Variants in DENND1A observed in about 807,000 individuals in gnomAD.
DENND1A encodes the protein DENN domain-containing protein 1A.
Under a neutral mutation model 113.7 loss-of-function variants are expected in DENND1A, and 51 were observed. The ratio of observed to expected loss-of-function variants is 0.45; its 90% CI spans 0.36 to 0.57. The LOEUF (loss-of-function observed/expected upper bound fraction) is 0.57, where lower values mean the gene tolerates loss of function less well. DENND1A is among the 20% of genes least tolerant of loss of function. The probability of loss-of-function intolerance (pLI) is 0.00; values close to 1 mark genes in which losing one functional copy is unlikely to be tolerated. For missense variants in DENND1A, 1,258 were observed against 1,395.9 expected (o/e 0.90, Z 1.57); for synonymous variants, 565 against 570.8 (o/e 0.99, Z 0.14).
intron 2 of DENND1A, among the ~76,000 whole-genome samples, chr9:123,837,892 CTG>C: frequency 6.6e-6 from 1 of 152,224 alleles, no homozygotes; most frequent in Non-Finnish European, 1.5e-5. Context: ...GGCAAAAAGA[CTG>C]TACTATTTCT....
intron 1 of DENND1A, among the ~76,000 whole-genome samples, chr9:123,893,545 C>G (rs971862949): frequency 6.6e-6 from 1 of 152,176 alleles, no homozygotes; most frequent in African/African-American, 2.4e-5. Flanking sequence ...CATCAGGCCT[C>G]AATCACTTAC....
At chr9:123,729,302 G>C (rs1365460076) in intron 5 of DENND1A, among the ~76,000 whole-genome samples, 2 of 152,172 alleles carry the variant, frequency 1.3e-5, no homozygotes, top group African/African-American at 4.8e-5. Context: ...CATTCAAATA[G>C]GAAGAGAGGA....
intron 2 of DENND1A, chr9:123,842,923 A>G (rs2132999305): frequency 3.7e-6 from 1 of 273,606 alleles, no homozygotes; most frequent in Middle Eastern, 1.4e-3. Flanking sequence ...CTAAGAATGC[A>G]AGGTTGGGTG....
chr9:123,424,490 G>A (rs948391454), intron 19 of DENND1A, among the ~76,000 whole-genome samples: 8 of 152,214 alleles, frequency 5.3e-5, no homozygotes, highest in Non-Finnish European at 4.4e-5. Context: ...GCCCTGGCCT[G>A]AGCAATGTCC....
chr9:123,769,478 C>CT (rs759669270), intron 4 of DENND1A, 36 bp downstream of exon 4: 44 of 1,566,868 alleles, frequency 2.8e-5, no homozygotes, highest in Non-Finnish European at 3.5e-5. Context: ...TTTATTGATA[C>CT]TTTTTTTCTA....
At chr9:123,620,727 C>T (rs192536401) in intron 10 of DENND1A, among the ~76,000 whole-genome samples, 1 of 152,162 alleles carries the variant, frequency 6.6e-6, no homozygotes, top group Non-Finnish European at 1.5e-5. Context: ...CCCACCACAG[C>T]CCAGCTTCCC....
chr9:123,485,764 ACCTTTGAGGAGCAT>A (rs1355743391), intron 13 of DENND1A: 1 of 152,164 alleles, frequency 6.6e-6, no homozygotes, highest in Non-Finnish European at 1.5e-5. Context: ...GTTTGCACTC[ACCTTTGAGGAGCAT>A]GTGCTGGTTT....
At chr9:123,782,624 T>C (rs77541020) in intron 3 of DENND1A, among the ~76,000 whole-genome samples, 43 of 152,316 alleles carry the variant, frequency 2.8e-4, no homozygotes, top group African/African-American at 1.0e-3. Context: ...TGGTTTAGGT[T>C]TTCTGATAGA....
intron 5 of DENND1A, among the ~76,000 whole-genome samples, chr9:123,678,932 G>C (rs1165593032): frequency 6.6e-6 from 1 of 152,144 alleles, no homozygotes; most frequent in South Asian, 2.1e-4. Flanking sequence ...AACCTCGGCC[G>C]AGTTAAAAGC....
At chr9:123,831,773 A>C (rs1840253422) in intron 2 of DENND1A, among the ~76,000 whole-genome samples, 1 of 152,210 alleles carries the variant, frequency 6.6e-6, no homozygotes, top group African/African-American at 2.4e-5. Flanking sequence ...ACTTGAGGTC[A>C]GGTGTTCAAG....
At chr9:123,652,692 T>C (rs1396586595) in intron 8 of DENND1A, among the ~76,000 whole-genome samples, 5 of 152,132 alleles carry the variant, frequency 3.3e-5, no homozygotes, top group Non-Finnish European at 7.3e-5. Flanking sequence ...TCCTTCACAG[T>C]TTACATTTGC....
chr9:123,410,488 G>A (rs137960616), intron 20 of DENND1A, among the ~76,000 whole-genome samples: 44 of 152,320 alleles, frequency 2.9e-4, no homozygotes, highest in South Asian at 1.0e-3. Flanking sequence ...CCACGGTCAC[G>A]TGTGGCTGGG....
intron 13 of DENND1A, among the ~76,000 whole-genome samples, chr9:123,469,409 G>A (rs1348243473): frequency 2.6e-5 from 4 of 152,256 alleles, no homozygotes; most frequent in Non-Finnish European, 5.9e-5. Flanking sequence ...CTCTGGTATT[G>A]ACAGAAGCCC....
Position 123,670,493 on chromosome 9 carries a change from C to T in DENND1A, c.453+798G>A, listed in dbSNP as rs571186222. Among the ~76,000 whole-genome samples, 8 of 152,188 alleles carry T rather than the reference C, an allele frequency of 5.3e-5. No homozygotes were observed. In the East Asian group the frequency reaches 9.6e-4, roughly 18 times the overall value. ...TGACAGATGAGGAAATTGAAGCCCA[C>T]GAGGTTAAAGGTCCTGATTAAGATC... is the stretch of plus-strand genomic sequence containing the variant. On this transcript the variant is annotated intron_variant, in intron 7 of 23. Coordinates refer to ENST00000394215, the MANE Select transcript of DENND1A (RefSeq NM_001352964.2).
In DENND1A at chr9:123,552,006, AGAGAGC is replaced by A. The variant is rs1165564792; in HGVS notation, c.993+5558_993+5563del. The stretch of plus-strand genomic sequence containing the variant: ...GAGAGAGAGAGCGAGAGAGAGCGAG[AGAGAGC>A]GAGAGCGAGAGAGAGAGAGAGAGAG... On this transcript the variant is annotated intron_variant, in intron 13 of 23. Transcript: ENST00000394215. 4.8e-5 allele frequency among the ~76,000 whole-genome samples: 7 copies of A among 146,504 alleles called. No homozygotes were observed. The South Asian group carries it at 6.6e-4, about 14-fold the overall frequency.
intron 5 of DENND1A, among the ~76,000 whole-genome samples, chr9:123,704,738 C>T (rs2066082343): frequency 6.6e-6 from 1 of 151,682 alleles, no homozygotes; most frequent in Non-Finnish European, 1.5e-5. Context: ...GAATGATTGA[C>T]AATGGTGGGG....
chr9:123,792,554 T>C (rs750179436), intron 3 of DENND1A, 33 bp downstream of exon 3: 3 of 1,608,112 alleles, frequency 1.9e-6, no homozygotes, highest in African/African-American at 2.7e-5. Flanking sequence ...AAATAAATTT[T>C]GTCATGTAAA....
intron 12 of DENND1A, among the ~76,000 whole-genome samples, chr9:123,579,137 T>A (rs1357199849): frequency 2.6e-5 from 4 of 152,210 alleles, no homozygotes; most frequent in Admixed American, 2.0e-4. Context: ...ATAATTCACA[T>A]CCATAATTCA....
intron 1 of DENND1A, among the ~76,000 whole-genome samples, chr9:123,928,031 G>A (rs1857395282): frequency 6.6e-6 from 1 of 152,158 alleles, no homozygotes; most frequent in Non-Finnish European, 1.5e-5. Context: ...TATTTCCCAA[G>A]CCTAAGTTTT....
Sources: allele counts gnomAD v4.1 joint callset (sites outside exome capture counted in the v4.1 genomes callset), GRCh38; gene constraint gnomAD v4.1.1; transcripts MANE v1.5; gene names NCBI Gene and HGNC (gene_info 2026-07-23, HGNC 2026-07-21).